The following ZNF385D variants were observed in gnomAD, a reference collection of about 807,000 sequenced individuals.
ZNF385D encodes the protein zinc finger protein 659.
In ZNF385D, 15 loss-of-function variants were observed where a neutral mutation model predicts 35.8. The ratio of observed to expected loss-of-function variants is 0.42; its 90% CI spans 0.28 to 0.64. The LOEUF (loss-of-function observed/expected upper bound fraction) is 0.64, where lower values mean the gene tolerates loss of function less well. Among genes scored for constraint, ZNF385D ranks in the 30% least tolerant of loss-of-function variants. ZNF385D has a pLI of 0.23. For missense variants in ZNF385D, 474 were observed against 494.6 expected, an observed-to-expected ratio of 0.96 and a Z score of 0.39; for synonymous variants, 212 against 186.8, an observed-to-expected ratio of 1.13 and a Z score of -1.10.
At chr3:22,222,348 T>A (rs1371280633) in intron 2 of ZNF385D, among the ~76,000 whole-genome samples, 1 of 152,130 alleles carries the variant, frequency 6.6e-6, no homozygotes, top group African/African-American at 2.4e-5. Context: ...AAAAAAAATC[T>A]AAGATAATAA....
chr3:22,010,527 G>C (rs1479997), intron 3 of ZNF385D, among the ~76,000 whole-genome samples: 25,020 of 152,090 alleles, frequency 0.16, 2,208 homozygotes, highest in Non-Finnish European at 0.19. Context: ...GACTTGCAAC[G>C]TTTTCAGTCT....
chr3:21,505,896 G>C (rs781613027), intron 4 of ZNF385D, among the ~76,000 whole-genome samples: 2 of 152,052 alleles, frequency 1.3e-5, no homozygotes, highest in Non-Finnish European at 2.9e-5. Flanking sequence ...ATATCTCATT[G>C]AATATGTATA....
chr3:22,005,365 GA>G (rs1696137719), intron 3 of ZNF385D, among the ~76,000 whole-genome samples: 2 of 152,094 alleles, frequency 1.3e-5, no homozygotes, highest in Admixed American at 1.3e-4. Flanking sequence ...AGTCATTATG[GA>G]AAACAGTGTG....
At chr3:21,757,091 C>T (rs1402155812) in intron 3 of ZNF385D, among the ~76,000 whole-genome samples, 1 of 145,526 alleles carries the variant, frequency 6.9e-6, no homozygotes, top group Non-Finnish European at 1.5e-5. Context: ...CTAGATTTCA[C>T]TGACTTTGGA....
intron 5 of ZNF385D, chr3:21,436,743 A>G (rs1035494941): frequency 2.6e-5 from 12 of 461,954 alleles, no homozygotes; most frequent in Non-Finnish European, 4.2e-5. Flanking sequence ...ATGTTTAATA[A>G]CACACACATA....
At chr3:22,123,119 T>C (rs926212209) in intron 3 of ZNF385D, among the ~76,000 whole-genome samples, 2 of 151,864 alleles carry the variant, frequency 1.3e-5, no homozygotes, top group Non-Finnish European at 2.9e-5. Context: ...AGTTGATAGA[T>C]TGTTGGGAGT....
chr3:21,673,185 G>A (rs2125289593), intron 1 of ZNF385D, among the ~76,000 whole-genome samples: 1 of 152,240 alleles, frequency 6.6e-6, no homozygotes. Flanking sequence ...ATGCTGGGAT[G>A]TCTAATATGG....
chr3:22,252,728 A>T (rs898702200), intron 2 of ZNF385D, among the ~76,000 whole-genome samples: 1 of 152,124 alleles, frequency 6.6e-6, no homozygotes, highest in Non-Finnish European at 1.5e-5. Flanking sequence ...CATGGAAAAG[A>T]GCATGACATA....
At chr3:22,270,557 A>G (rs1209820142) in intron 2 of ZNF385D, among the ~76,000 whole-genome samples, 2 of 152,070 alleles carry the variant, frequency 1.3e-5, no homozygotes, top group African/African-American at 4.8e-5. Context: ...TGTTAGAGTG[A>G]ATGACAGTGT....
chr3:21,795,020 G>A (rs938636735), intron 3 of ZNF385D, among the ~76,000 whole-genome samples: 13 of 152,124 alleles, frequency 8.5e-5, no homozygotes, highest in Admixed American at 5.9e-4. Flanking sequence ...GTCAGTGTCC[G>A]CTGTAGGTTC....
intron 2 of ZNF385D, among the ~76,000 whole-genome samples, chr3:21,586,256 G>C (rs1175266632): frequency 6.6e-6 from 1 of 152,100 alleles, no homozygotes; most frequent in African/African-American, 2.4e-5. Flanking sequence ...GAGGTGGGTA[G>C]GCCTGTATTG....
At chr3:21,436,660 T>G (rs1702781) in intron 5 of ZNF385D, among the ~76,000 whole-genome samples, 146,593 of 152,200 alleles carry the variant, frequency 0.96, 70,596 homozygotes, top group East Asian at 1. Flanking sequence ...CAAATGCATG[T>G]AAATAAATAA....
At chr3:22,286,133 C>T (rs989006498) in intron 2 of ZNF385D, among the ~76,000 whole-genome samples, 12 of 152,052 alleles carry the variant, frequency 7.9e-5, no homozygotes, top group South Asian at 2.1e-4. Flanking sequence ...ATAATATGTA[C>T]GGTACTTACA....
chr3:21,787,676 C>T (rs1378300529), intron 3 of ZNF385D, among the ~76,000 whole-genome samples: 3 of 152,132 alleles, frequency 2.0e-5, no homozygotes, highest in Non-Finnish European at 4.4e-5. Context: ...AATTCATTAA[C>T]ATGCCATTCT....
At chr3:21,904,995 C>T (rs144396463) in intron 3 of ZNF385D, among the ~76,000 whole-genome samples, 9 of 151,842 alleles carry the variant, frequency 5.9e-5, no homozygotes, top group South Asian at 2.1e-4. Context: ...AAATAAACTA[C>T]GATTCATCTC....
At chr3:21,752,350 A>C (rs1231226008), upstream of ZNF385D, among the ~76,000 whole-genome samples, 1 of 152,228 alleles carries the variant, frequency 6.6e-6, no homozygotes, top group East Asian at 1.9e-4. Context: ...ACTGTAGTCT[A>C]TGGAAGAATG....
intron 4 of ZNF385D, among the ~76,000 whole-genome samples, chr3:21,461,437 A>G (rs922990359): frequency 2.0e-5 from 3 of 151,940 alleles, no homozygotes; most frequent in Admixed American, 6.6e-5. Flanking sequence ...ATTCCCAGCT[A>G]CTTGGGAGGC....
intron 2 of ZNF385D, among the ~76,000 whole-genome samples, chr3:22,183,107 T>G (rs1387052272): frequency 6.6e-6 from 1 of 152,166 alleles, no homozygotes; most frequent in East Asian, 1.9e-4. Context: ...GAAGGTGGTT[T>G]TTAGCTTCTG....
chr3:21,708,783 G>A (rs976450596), intron 1 of ZNF385D, among the ~76,000 whole-genome samples: 1 of 151,926 alleles, frequency 6.6e-6, no homozygotes, highest in Admixed American at 6.6e-5. Flanking sequence ...TGCATCAGTA[G>A]ACTTTGTTGG....
Sources: gnomAD v4.1 joint callset for allele counts (sites outside exome capture counted in the v4.1 genomes callset) on GRCh38, gnomAD v4.1.1 for gene constraint, MANE v1.5 for transcripts, NCBI Gene and HGNC (gene_info 2026-07-23, HGNC 2026-07-21) for gene names.